The following TRAF2 variants were observed in gnomAD, a reference collection of about 807,000 sequenced individuals.
The protein encoded by TRAF2 is TNF receptor-associated factor 2.
TRAF2 carries 6 observed loss-of-function variants against 55.6 expected under a neutral mutation model. The ratio of observed to expected loss-of-function variants is 0.11; its 90% CI spans 0.06 to 0.21. The LOEUF (loss-of-function observed/expected upper bound fraction) is 0.21. Among genes scored for constraint, TRAF2 ranks in the 10% least tolerant of loss-of-function variants. The pLI is 1.00. For synonymous variants in TRAF2, 329 were observed against 276.3 expected (o/e 1.19, Z -1.89); for missense variants, 561 against 684.5 (o/e 0.82, Z 2.01).
chr9:136,887,216 C>T (rs1273733916), intron 1 of TRAF2, among the ~76,000 whole-genome samples: 1 of 152,174 alleles, frequency 6.6e-6, no homozygotes, highest in Non-Finnish European at 1.5e-5. Context: ...GGATCGGGGC[C>T]GGGGCCTGGT....
intron 4 of TRAF2, among the ~76,000 whole-genome samples, chr9:136,904,018 C>T (rs376695900): frequency 5.9e-5 from 9 of 152,158 alleles, no homozygotes; most frequent in African/African-American, 1.7e-4. Context: ...GAGCATGCAG[C>T]GCATCTGAGC....
At chr9:136,925,535 C>T (rs1380032875) in intron 10 of TRAF2, 148 bp from the exon 11 acceptor site, 8 of 766,148 alleles carry the variant, frequency 1.0e-5, no homozygotes, top group East Asian at 2.7e-5. Flanking sequence ...GCAAGGCCGC[C>T]CACCACGTGG....
At chr9:136,913,035 G>A (rs1337718494) in intron 6 of TRAF2, among the ~76,000 whole-genome samples, 1 of 152,168 alleles carries the variant, frequency 6.6e-6, no homozygotes, top group Non-Finnish European at 1.5e-5. Flanking sequence ...TACTTGGGAA[G>A]CTGAGACAGG....
In TRAF2 at chr9:136,902,740, C is replaced by T. The variant is rs17250792; in HGVS notation, c.366+2220C>T. On this transcript the variant is annotated intron_variant, in intron 4 of 10. Coordinates refer to ENST00000247668, the MANE Select transcript of TRAF2 (RefSeq NM_021138.4). ...TCACACATGGGGACGGAAATCAACC[C>T]GTCTATACAGTTGGGAGCCGCTCTG... is the stretch of plus-strand genomic sequence containing the variant. 6.3e-4 allele frequency among the ~76,000 whole-genome samples: 96 copies of T among 152,278 alleles called. 1 individual carries two copies. Among genetic ancestry groups the T allele is most frequent in the Non-Finnish European group, 1.2e-3 (80 of 68,010 alleles).
intron 4 of TRAF2, among the ~76,000 whole-genome samples, chr9:136,906,976 C>G: frequency 6.6e-6 from 1 of 152,250 alleles, no homozygotes; most frequent in Non-Finnish European, 1.5e-5. Context: ...AGCCACATCC[C>G]GTCACCTTGC....
intron 7 of TRAF2, among the ~76,000 whole-genome samples, chr9:136,917,462 T>C (rs1850269617): frequency 6.6e-6 from 1 of 152,158 alleles, no homozygotes; most frequent in African/African-American, 2.4e-5. Flanking sequence ...CGTGTCTTTG[T>C]CTCTTGTCCG....
intron 4 of TRAF2, among the ~76,000 whole-genome samples, chr9:136,903,333 G>GCC (rs1849864932): frequency 2.0e-5 from 3 of 152,180 alleles, no homozygotes; most frequent in African/African-American, 7.2e-5. Flanking sequence ...TCCCCAGTGG[G>GCC]CCCCTGAGCT....
intron 4 of TRAF2, 107 bp from the exon 5 acceptor site, chr9:136,907,963 A>G: frequency 2.8e-6 from 4 of 1,424,458 alleles, no homozygotes; most frequent in Non-Finnish European, 3.8e-6. Context: ...CAGGACCAGC[A>G]TGCGGACACC....
intron 1 of TRAF2, among the ~76,000 whole-genome samples, chr9:136,894,044 G>A (rs1437604739): frequency 1.7e-5 from 2 of 116,558 alleles, no homozygotes; most frequent in Admixed American, 1.8e-4. Flanking sequence ...CACTGCGCCT[G>A]GCCTTTTTTT....
chr9:136,905,298 T>C (rs1416915805), intron 4 of TRAF2, among the ~76,000 whole-genome samples: 1 of 152,218 alleles, frequency 6.6e-6, no homozygotes, highest in African/African-American at 2.4e-5. Flanking sequence ...CAGAATATGC[T>C]CTAGTCTCTC....
intron 6 of TRAF2, among the ~76,000 whole-genome samples, chr9:136,911,816 G>A (rs191421980): frequency 2.0e-3 from 293 of 148,536 alleles, no homozygotes; most frequent in Non-Finnish European, 3.5e-3. Context: ...TTTCTAATGT[G>A]TGTGGCGTGC....
intron 6 of TRAF2, among the ~76,000 whole-genome samples, chr9:136,913,449 C>G (rs896479904): frequency 6.6e-6 from 1 of 151,740 alleles, no homozygotes; most frequent in Non-Finnish European, 1.5e-5. Context: ...AGGTGCCCAC[C>G]ACCATGCCCG....
At chr9:136,897,943 T>C (rs1849722861) in intron 1 of TRAF2, among the ~76,000 whole-genome samples, 1 of 138,172 alleles carries the variant, frequency 7.2e-6, no homozygotes, top group Non-Finnish European at 1.6e-5. Flanking sequence ...TCAGGTGTGC[T>C]ACGTTCCCGC....
chr9:136,925,622 C>T (rs953630888), intron 10 of TRAF2, 61 bp from the exon 11 acceptor site: 16 of 1,560,650 alleles, frequency 1.0e-5, no homozygotes, highest in Non-Finnish European at 1.3e-5. Flanking sequence ...TCCAGACCCT[C>T]GGGAGCCAGA....
At chr9:136,908,041 C>T in intron 4 of TRAF2, 29 bp from the exon 5 acceptor site, 2 of 1,585,658 alleles carry the variant, frequency 1.3e-6, no homozygotes. Flanking sequence ...CACGCGAGTT[C>T]TACTGACGCT....
At position 136,900,503 on chromosome 9, in the gene TRAF2, A is replaced by C; in HGVS notation, c.349A>C (p.Thr117Pro). The change falls in exon 4 of 11, where the codon ACC becomes CCC. Residue 117 changes from threonine (T) to proline (P), a missense_variant. By Grantham distance (38) the Thr-to-Pro change is conservative. This residue lies in a region of TRAF2 where 426 missense variants were observed against 476.8 expected (regional missense o/e 0.89). Coordinates refer to ENST00000247668, the MANE Select transcript of TRAF2 (RefSeq NM_021138.4). The part of the protein sequence containing the change: ...CPSDGCTWKG[T>P]LKEYESCHEG... ...CAGTGATGGATGCACCTGGAAGGGG[A>C]CCCTGAAAGAATACGAGGTAAAGAT... 6.2e-7 allele frequency: 1 copy of C among 1,613,986 alleles called. No homozygotes were observed. The highest frequency in any genetic ancestry group is 8.5e-7 in the Non-Finnish European group (1 of 1,179,970).
chr9:136,916,300 G>C (rs954956360), intron 6 of TRAF2, among the ~76,000 whole-genome samples: 1 of 152,172 alleles, frequency 6.6e-6, no homozygotes, highest in African/African-American at 2.4e-5. Context: ...GGTCTCCACA[G>C]GTGTCCCGAA....
Position 136,924,020 on chromosome 9 carries a change from C to T in TRAF2, c.1287+20C>T. On this transcript the variant is annotated intron_variant, in intron 10 of 10. Transcript: ENST00000247668. ...CAGAAGGTGAGGCCGTCCCTGCAGG[C>T]TTCGCTAGGGCCGCACCTGGGAGTC... The T allele has an allele frequency of 6.2e-7, 1 of 1,610,532 alleles. No individual in the cohort carries two copies. The highest frequency in any genetic ancestry group is 8.5e-7 in the Non-Finnish European group (1 of 1,179,534).
At chr9:136,899,046 A>G in intron 2 of TRAF2, 118 bp downstream of exon 2, 1 of 972,556 alleles carries the variant, frequency 1.0e-6, no homozygotes. Flanking sequence ...TGCTCCAGTT[A>G]TCGATACTCC....
Sources: allele counts gnomAD v4.1 joint callset (sites outside exome capture counted in the v4.1 genomes callset), GRCh38; gene constraint gnomAD v4.1.1; regional missense constraint gnomAD v4.1.1; transcripts MANE v1.5; gene names NCBI Gene and HGNC (gene_info 2026-07-23, HGNC 2026-07-21).